PUM2: variants seen among roughly 807,000 people sequenced by gnomAD.
The protein encoded by PUM2 is pumilio homolog 2.
PUM2 carries 57 observed loss-of-function variants against 124.5 expected under a neutral mutation model. That is an observed-to-expected ratio of 0.46 (90% CI 0.37 to 0.57). PUM2 has a LOEUF of 0.57. PUM2 is among the 20% of genes least tolerant of loss of function. The pLI is 0.00. For missense variants in PUM2, 1,065 were observed against 1,290.6 expected (o/e 0.83, Z 2.68); for synonymous variants, 460 against 446.1 (o/e 1.03, Z -0.39).
At chr2:20,324,180 ATTC>A (rs1352810352) in intron 2 of PUM2, among the ~76,000 whole-genome samples, 1 of 152,128 alleles carries the variant, frequency 6.6e-6, no homozygotes, top group African/African-American at 2.4e-5. Context: ...ACAAAAGGTT[ATTC>A]TTATTATTAT....
intron 4 of PUM2, among the ~76,000 whole-genome samples, chr2:20,312,029 G>A (rs1015958950): frequency 5.3e-5 from 8 of 152,056 alleles, no homozygotes; most frequent in African/African-American, 1.7e-4. Context: ...TTTGACTTTT[G>A]TAACATGGTT....
chr2:20,330,284 T>C (rs1572963586), intron 1 of PUM2, among the ~76,000 whole-genome samples: 1 of 152,190 alleles, frequency 6.6e-6, no homozygotes, highest in African/African-American at 2.4e-5. Flanking sequence ...ATTTTTGGCC[T>C]TTGTCCATGT....
rs939111957 is a variant in PUM2, at chr2:20,343,585, C to A, written c.-19+7012G>T. ...AATCATACCAAACCCTTGGATGCAA[C>A]CTTATTCCTAACACTAAGCTTTAAA... is the stretch of plus-strand genomic sequence containing the variant. On this transcript the variant is annotated intron_variant, in intron 1 of 20. Coordinates refer to ENST00000361078, the MANE Select transcript of PUM2 (RefSeq NM_015317.5). 3.7e-4 allele frequency among the ~76,000 whole-genome samples: 56 copies of A among 152,172 alleles called. 1 individual carries two copies. The highest frequency in any genetic ancestry group is 1.3e-3 in the African/African-American group (56 of 41,516).
At chr2:20,312,729 A>G (rs1160431554) in intron 3 of PUM2, among the ~76,000 whole-genome samples, 1 of 152,210 alleles carries the variant, frequency 6.6e-6, no homozygotes, top group Non-Finnish European at 1.5e-5. Flanking sequence ...TTTAAATTTC[A>G]TATGGAACCA....
chr2:20,350,620 T>C lies in PUM2; in HGVS notation c.-42A>G. ...ACAGGGCTGCTGCGGCCGCGCTGCC[T>C]CAGCCGGGGACACCGACCGTTGGGC... On this transcript the variant is annotated 5_prime_UTR_variant, in exon 1 of 21. Coordinates refer to ENST00000361078, the MANE Select transcript of PUM2 (RefSeq NM_015317.5). 1 of 985,244 alleles carries C rather than the reference T, an allele frequency of 1.0e-6. No individual in the cohort carries two copies. Among genetic ancestry groups the C allele is most frequent in the African/African-American group, 1.7e-5 (1 of 57,230 alleles). 61.0% of individuals were successfully genotyped at this position (985,244 alleles called of 1,614,324 possible).
chr2:20,272,155 A>AATGAATG (rs1553367200), intron 13 of PUM2, among the ~76,000 whole-genome samples: 19 of 148,286 alleles, frequency 1.3e-4, no homozygotes, highest in East Asian at 2.0e-4. Flanking sequence ...AGACTTCGTC[A>AATGAATG]AATGAATGAA....
Position 20,250,244 on chromosome 2 carries a change from A to G in PUM2, c.*1341T>C, listed in dbSNP as rs1003588571. ...ATGTTATAAAACAAAATGATCTCAC[A>G]ATAATAAAAAGAAAGCTGGTTCATA... is the stretch of plus-strand genomic sequence containing the variant. On this transcript the variant is annotated 3_prime_UTR_variant, in exon 21 of 21. Transcript: ENST00000361078. The G allele has an allele frequency of 1.3e-5, 2 of 152,648 alleles. No individual in the cohort carries two copies. Among genetic ancestry groups the G allele is most frequent in the African/African-American group, 4.8e-5 (2 of 41,472 alleles). 9.5% of individuals were successfully genotyped at this position (152,648 alleles called of 1,614,324 possible). A position where few individuals can be genotyped will look rare whatever the true frequency, so the allele number is the denominator to read the frequency against.
chr2:20,261,908 A>G (rs903252970), intron 14 of PUM2, among the ~76,000 whole-genome samples: 2 of 151,734 alleles, frequency 1.3e-5, no homozygotes, highest in Admixed American at 1.3e-4. Flanking sequence ...GCCTGGCAAC[A>G]CAGTGAGACC....
intron 13 of PUM2, 135 bp downstream of exon 13, chr2:20,278,448 A>C: frequency 2.7e-6 from 2 of 748,742 alleles, no homozygotes; most frequent in Non-Finnish European, 4.1e-6. Flanking sequence ...CTTTTTCAAA[A>C]GACTAATATC....
At chr2:20,268,930 T>C (rs2148676456) in intron 13 of PUM2, among the ~76,000 whole-genome samples, 2 of 152,292 alleles carry the variant, frequency 1.3e-5, no homozygotes, top group Admixed American at 6.5e-5. Context: ...TGTATGAGAA[T>C]GCTATCCTCT....
intron 1 of PUM2, chr2:20,350,335 G>T: frequency 2.2e-6 from 1 of 462,888 alleles, no homozygotes; most frequent in Non-Finnish European, 2.8e-6. Context: ...CCACGCCCCC[G>T]AGGCGGCGGC....
intron 20 of PUM2, among the ~76,000 whole-genome samples, chr2:20,253,212 GATTT>G (rs1663887958): frequency 6.6e-6 from 1 of 152,088 alleles, no homozygotes; most frequent in Non-Finnish European, 1.5e-5. Context: ...TTGAATGACT[GATTT>G]ATTTTTTGAG....
At chr2:20,270,236 T>C (rs1668704280) in intron 13 of PUM2, among the ~76,000 whole-genome samples, 1 of 152,218 alleles carries the variant, frequency 6.6e-6, no homozygotes, top group East Asian at 1.9e-4. Flanking sequence ...TTCTTTCCTT[T>C]GGTTAATACA....
At position 20,251,554 on chromosome 2, in the gene PUM2, T is replaced by A. The variant is rs897965276; in HGVS notation, c.*31A>T. 1.9e-6 allele frequency: 3 copies of A among 1,590,680 alleles called. No individual in the cohort carries two copies. In the African/African-American group the frequency reaches 4.0e-5, roughly 21 times the overall value. ...CACAAAAAAATTCTTTTCACATGGT[T>A]AAATTATCTTCTTTCTCTTGCTCCT... is the stretch of plus-strand genomic sequence containing the variant. On this transcript the variant is annotated 3_prime_UTR_variant, in exon 21 of 21. Transcript: ENST00000361078.
At position 20,287,055 on chromosome 2, in the gene PUM2, A is replaced by G. The variant is rs181051147; in HGVS notation, c.1292-3569T>C. Reference sequence around the variant, plus strand: ...TGGGGAATTGAAAAACAAAAACAAAAAAACATGGTCCTCGTACTCAAGAAT... The same window carrying G: ...TGGGGAATTGAAAAACAAAAACAAAGAAACATGGTCCTCGTACTCAAGAAT... On this transcript the variant is annotated intron_variant, in intron 10 of 20. Transcript: ENST00000361078. Among the ~76,000 whole-genome samples the G allele has an allele frequency of 1.5e-4, 23 of 152,324 alleles. No homozygotes were observed. In the East Asian group the frequency reaches 3.7e-3, roughly 24 times the overall value.
At chr2:20,273,362 C>T (rs1354641569) in intron 13 of PUM2, among the ~76,000 whole-genome samples, 5 of 152,138 alleles carry the variant, frequency 3.3e-5, no homozygotes, top group African/African-American at 1.2e-4. Context: ...AACAAGTGGC[C>T]AGAGTGATTC....
intron 17 of PUM2, 139 bp downstream of exon 17, chr2:20,255,894 A>G (rs763877732): frequency 7.0e-6 from 6 of 852,000 alleles, no homozygotes; most frequent in Non-Finnish European, 1.0e-5. Context: ...GGAAGAAATT[A>G]ATGTACATTT....
At position 20,278,733 on chromosome 2, in the gene PUM2, C is replaced by T; in HGVS notation, c.1807G>A (p.Ala603Thr). The change falls in exon 13 of 21, where the codon GCA becomes ACA. Residue 603 changes from alanine (A) to threonine (T), a missense_variant. By Grantham distance (58) the Ala-to-Thr change is moderately conservative (BLOSUM62 0). Transcript: ENST00000361078. The part of the protein sequence containing the change: ...DLYKRSSSSL[A>T]PIGQPFYNSL... ...TTGTAAAATGGTTGCCCTATGGGTG[C>T]TAGGCTGCTACTAGATCTTTTGTAC... 1.9e-6 allele frequency: 3 copies of T among 1,613,450 alleles called. No individual in the cohort carries two copies. The highest frequency in any genetic ancestry group is 2.5e-6 in the Non-Finnish European group (3 of 1,179,668).
intron 1 of PUM2, among the ~76,000 whole-genome samples, chr2:20,344,982 C>CAAAAAA (rs762460030): frequency 3.5e-4 from 23 of 66,140 alleles, no homozygotes; most frequent in African/African-American, 1.0e-3. Flanking sequence ...GACTCTGTCT[C>CAAAAAA]AAAAAAAAAA....
Sources: gnomAD v4.1 joint callset for allele counts (sites outside exome capture counted in the v4.1 genomes callset) on GRCh38, gnomAD v4.1.1 for gene constraint, MANE v1.5 for transcripts, NCBI Gene and HGNC (gene_info 2026-07-23, HGNC 2026-07-21) for gene names.